Variants in BMAL1 observed in about 807,000 individuals in gnomAD.
BMAL1 encodes basic helix-loop-helix ARNT-like protein 1.
chr11:13,322,604 G>A, the BMAL1 span, among the ~76,000 whole-genome samples: 1 of 152,052 alleles, frequency 6.6e-6, no homozygotes, highest in South Asian at 2.1e-4. Context: ...GATTTGGAGA[G>A]AAATAGAGTC....
chr11:13,323,587 A>C, the BMAL1 span, among the ~76,000 whole-genome samples: 1 of 152,058 alleles, frequency 6.6e-6, no homozygotes. Flanking sequence ...ATCTGTTTGC[A>C]ATTCTTTTTT....
At chr11:13,377,910 A>G in the BMAL1 span, among the ~76,000 whole-genome samples, 257 of 152,344 alleles carry the variant, frequency 1.7e-3, no homozygotes, top group African/African-American at 5.9e-3. Context: ...TTGCTCCAGA[A>G]GCTGCACCTG....
chr11:13,367,726 AAG>A, the BMAL1 span, among the ~76,000 whole-genome samples: 1 of 151,488 alleles, frequency 6.6e-6, no homozygotes. Context: ...AAAAAAAAAA[AAG>A]AATGAGAACA....
the BMAL1 span, among the ~76,000 whole-genome samples, chr11:13,292,313 G>A: frequency 1.4e-4 from 21 of 152,042 alleles, no homozygotes; most frequent in East Asian, 1.5e-3. Flanking sequence ...GGGAGGTCGA[G>A]GCAGGCAGAT....
the BMAL1 span, chr11:13,356,975 A>G: frequency 6.2e-7 from 1 of 1,604,586 alleles, no homozygotes; most frequent in African/African-American, 1.3e-5. Flanking sequence ...AGGATCAGGC[A>G]GAAGAAAACA....
chr11:13,368,925 T>C, the BMAL1 span, among the ~76,000 whole-genome samples: 1 of 152,204 alleles, frequency 6.6e-6, no homozygotes, highest in Non-Finnish European at 1.5e-5. Flanking sequence ...AACTAATAAG[T>C]TCGTTCACAT....
chr11:13,354,982 A>G, the BMAL1 span: 196 of 344,404 alleles, frequency 5.7e-4, 4 homozygotes, highest in East Asian at 9.0e-3. Flanking sequence ...ATTTTTGTTT[A>G]TTTTTAGACT....
At chr11:13,373,922 G>T in the BMAL1 span, among the ~76,000 whole-genome samples, 5 of 151,472 alleles carry the variant, frequency 3.3e-5, no homozygotes, top group Non-Finnish European at 7.4e-5. Context: ...TCAGATGCCT[G>T]AAAAAAAGAG....
the BMAL1 span, among the ~76,000 whole-genome samples, chr11:13,283,736 G>A: frequency 2.6e-5 from 4 of 152,086 alleles, no homozygotes; most frequent in African/African-American, 7.2e-5. Flanking sequence ...GAAACCCTCC[G>A]CATAAGGGAT....
At chr11:13,362,685 T>C in the BMAL1 span, among the ~76,000 whole-genome samples, 22 of 152,114 alleles carry the variant, frequency 1.4e-4, no homozygotes, top group African/African-American at 4.8e-4. Context: ...CTCCATCCTT[T>C]TCGTAAAGAT....
At chr11:13,354,932 A>G in the BMAL1 span, 11 of 248,048 alleles carry the variant, frequency 4.4e-5, no homozygotes, top group African/African-American at 2.4e-4. Context: ...TTGTCCTTAA[A>G]CATTATTTAA....
At chr11:13,377,895 T>G in the BMAL1 span, among the ~76,000 whole-genome samples, 2 of 152,198 alleles carry the variant, frequency 1.3e-5, no homozygotes, top group Non-Finnish European at 1.5e-5. Context: ...CAGCTCGGGG[T>G]TAACTTGCTC....
chr11:13,315,541 A>G, the BMAL1 span, among the ~76,000 whole-genome samples: 1 of 152,182 alleles, frequency 6.6e-6, no homozygotes, highest in Non-Finnish European at 1.5e-5. Context: ...GCCTCGACCC[A>G]TTGAGTAGGT....
the BMAL1 span, among the ~76,000 whole-genome samples, chr11:13,313,537 G>A: frequency 6.6e-6 from 1 of 152,042 alleles, no homozygotes; most frequent in Non-Finnish European, 1.5e-5. Context: ...TTCATGAGTC[G>A]TCCTGGCCTT....
chr11:13,318,697 T>G, the BMAL1 span, among the ~76,000 whole-genome samples: 1 of 152,094 alleles, frequency 6.6e-6, no homozygotes, highest in African/African-American at 2.4e-5. Context: ...CTGTGCCTCC[T>G]TCTAGCTAGT....
At chr11:13,386,915 T>A in the BMAL1 span, 1 of 785,616 alleles carries the variant, frequency 1.3e-6, no homozygotes, top group South Asian at 2.9e-5. Flanking sequence ...TCTTACTATA[T>A]GTAACTTCAG....
the BMAL1 span, chr11:13,376,733 C>CT: frequency 6.2e-7 from 1 of 1,612,916 alleles, no homozygotes; most frequent in Non-Finnish European, 8.5e-7. Context: ...GAGAAGGTAA[C>CT]TATGTGCTGC....
chr11:13,292,229 A>G, the BMAL1 span, among the ~76,000 whole-genome samples: 1 of 150,984 alleles, frequency 6.6e-6, no homozygotes. Context: ...TGAATGGAAC[A>G]CTTTTTTTTT....
At chr11:13,380,966 C>T in the BMAL1 span, 1 of 553,046 alleles carries the variant, frequency 1.8e-6, no homozygotes, top group East Asian at 2.9e-5. Context: ...TGGCTGCTTT[C>T]AAGCTGCAGA....
Sources: gnomAD v4.1 joint callset for allele counts (sites outside exome capture counted in the v4.1 genomes callset) on GRCh38, gnomAD v4.1.1 for gene constraint, MANE v1.5 for transcripts, NCBI Gene and HGNC (gene_info 2026-07-23, HGNC 2026-07-21) for gene names.